The following GSG1L variants were observed in gnomAD, a reference collection of about 807,000 sequenced individuals.
GSG1L encodes the protein germ cell-specific gene 1-like protein.
A neutral mutation model predicts 42.1 loss-of-function variants in GSG1L; 24 were observed. The ratio of observed to expected loss-of-function variants is 0.57; its 90% confidence interval spans 0.41 to 0.80. The LOEUF is 0.80. GSG1L is among the 30% of genes least tolerant of loss of function. The pLI, the probability that GSG1L is intolerant of heterozygous loss-of-function variation, is 0.00. For synonymous variants in GSG1L, 215 were observed against 203.5 expected, an observed-to-expected ratio of 1.06 and a Z score of -0.48; for missense variants, 445 against 472.2, an observed-to-expected ratio of 0.94 and a Z score of 0.53.
intron 5 of GSG1L, among the ~76,000 whole-genome samples, chr16:27,811,532 G>C (rs992350052): frequency 2.6e-5 from 4 of 152,186 alleles, no homozygotes; most frequent in Non-Finnish European, 4.4e-5. Flanking sequence ...GCACCTCTAG[G>C]TCAACAGAGG....
At chr16:27,995,378 G>C (rs765172218) in intron 1 of GSG1L, among the ~76,000 whole-genome samples, 3 of 152,126 alleles carry the variant, frequency 2.0e-5, no homozygotes, top group South Asian at 2.1e-4. Context: ...AAAACCCCAC[G>C]GTGGGTAAAG....
chr16:28,060,875 A>C (rs948900842), intron 1 of GSG1L, among the ~76,000 whole-genome samples: 1 of 152,216 alleles, frequency 6.6e-6, no homozygotes, highest in African/African-American at 2.4e-5. Flanking sequence ...TCAATTAATA[A>C]TTTTTTAAAA....
intron 1 of GSG1L, among the ~76,000 whole-genome samples, chr16:27,980,914 A>AAG (rs1555512202): frequency 2.0e-5 from 3 of 151,630 alleles, no homozygotes; most frequent in East Asian, 1.9e-4. Flanking sequence ...AAAAAAAAAA[A>AAG]AAAGAAAGAA....
intron 5 of GSG1L, chr16:27,824,029 G>A (rs895698965): frequency 2.2e-5 from 15 of 670,000 alleles, no homozygotes; most frequent in African/African-American, 1.6e-4. Flanking sequence ...AGATAATAAC[G>A]AGATTATCAG....
chr16:27,912,994 T>G (rs1011668030), intron 2 of GSG1L, among the ~76,000 whole-genome samples: 2 of 137,466 alleles, frequency 1.5e-5, no homozygotes, highest in Admixed American at 6.9e-5. Flanking sequence ...TGTGTGTGTG[T>G]TTTTTTTTAA....
chr16:27,888,068 T>C, intron 2 of GSG1L: 1 of 984,038 alleles, frequency 1.0e-6, no homozygotes, highest in African/African-American at 1.7e-5. Flanking sequence ...ACCTCGGAGA[T>C]GCTGATGCTC....
chr16:28,021,155 C>T lies in GSG1L; in HGVS notation c.349+41921G>A, dbSNP rs1324412336. On this transcript the variant is annotated intron_variant, in intron 1 of 6. Coordinates refer to ENST00000447459, the MANE Select transcript of GSG1L (RefSeq NM_001109763.2). The stretch of plus-strand genomic sequence containing the variant: ...GAGGTTTAATCAGTTCATGGTTCTG[C>T]GGGCTATGCAGGAAGCATGAGGGGG... Among the ~76,000 whole-genome samples the T allele has an allele frequency of 3.9e-5, 6 of 152,108 alleles. No individual in the cohort carries two copies. The East Asian group carries it at 5.8e-4, about 15-fold the overall frequency.
chr16:27,801,752 G>A (rs1056404256), intron 6 of GSG1L, among the ~76,000 whole-genome samples: 8 of 152,182 alleles, frequency 5.3e-5, no homozygotes, highest in African/African-American at 1.7e-4. Context: ...GGGTGTGGGT[G>A]ATGAGGTCAG....
chr16:27,868,153 C>T (rs1174912052), intron 3 of GSG1L, among the ~76,000 whole-genome samples: 2 of 152,232 alleles, frequency 1.3e-5, no homozygotes, highest in African/African-American at 4.8e-5. Flanking sequence ...CTCCCCCAGC[C>T]CAGGCTTCTA....
chr16:28,011,122 C>T (rs982522935), intron 1 of GSG1L, among the ~76,000 whole-genome samples: 2 of 152,218 alleles, frequency 1.3e-5, no homozygotes, highest in African/African-American at 2.4e-5. Context: ...TGATTTCCAA[C>T]AAGGTTTCCC....
rs527711619 is a variant in GSG1L at position 27,844,858 on chromosome 16, C to T, written c.662+92G>A. 2.3e-4 allele frequency: 62 copies of T among 265,462 alleles called. 1 individual carries two copies. The highest frequency in any genetic ancestry group is 1.1e-3 in the African/African-American group (50 of 44,048). The allele number at this position is 265,462 out of a possible 1,614,324, so 16.4% of individuals were successfully genotyped here. A position where few individuals can be genotyped will look rare whatever the true frequency, so the allele number is the denominator to read the frequency against. ...TCTCCCCATTTCTCCTCCCCCCCAC[C>T]GCCCCCCACCCCACTGGGCTGAGCT... On this transcript the variant is annotated intron_variant, in intron 4 of 6. Coordinates refer to ENST00000447459, the MANE Select transcript of GSG1L (RefSeq NM_001109763.2).
At chr16:27,974,635 C>A (rs1198790685) in intron 1 of GSG1L, among the ~76,000 whole-genome samples, 3 of 152,220 alleles carry the variant, frequency 2.0e-5, no homozygotes, top group Non-Finnish European at 2.9e-5. Context: ...ACTGCCCTCA[C>A]CATCACACAC....
chr16:27,984,099 C>T (rs2085353968), intron 1 of GSG1L, among the ~76,000 whole-genome samples: 1 of 152,110 alleles, frequency 6.6e-6, no homozygotes, highest in Non-Finnish European at 1.5e-5. Context: ...TAAAAGTTTG[C>T]TAGAGAAAGG....
intron 5 of GSG1L, among the ~76,000 whole-genome samples, chr16:27,811,460 G>A (rs1429757292): frequency 6.6e-6 from 1 of 152,156 alleles, no homozygotes; most frequent in Non-Finnish European, 1.5e-5. Flanking sequence ...ACATTGGTTA[G>A]GAGAGTGGAC....
At chr16:27,931,342 A>G (rs1408986774) in intron 2 of GSG1L, among the ~76,000 whole-genome samples, 2 of 152,132 alleles carry the variant, frequency 1.3e-5, no homozygotes, top group Non-Finnish European at 2.9e-5. Flanking sequence ...CCGTGCTCAA[A>G]CGGCTGGCTT....
chr16:27,852,457 C>T lies in GSG1L; in HGVS notation c.551-7396G>A, dbSNP rs559169147. ...GTCAGGGCAGTCAAGAGGAGAAGTC[C>T]CGGGGTCTGTGGGGTGGGGAGGTCA... On this transcript the variant is annotated intron_variant, in intron 3 of 6. Transcript: ENST00000447459. Among the ~76,000 whole-genome samples the T allele has an allele frequency of 1.3e-5, 2 of 152,068 alleles. 1 individual carries two copies. Among genetic ancestry groups the T allele is most frequent in the South Asian group, 4.2e-4 (2 of 4,796 alleles).
At position 27,869,644 on chromosome 16, in the gene GSG1L, C is replaced by CCTCTCTGCGTCTCCATCTCTCTCTCCTCT. The variant is rs1567496123; in HGVS notation, c.550+14841_550+14842insAGAGGAGAGAGAGATGGAGACGCAGAGAG. Among the ~76,000 whole-genome samples, 244 of 123,504 alleles carry CCTCTCTGCGTCTCCATCTCTCTCTCCTCT rather than the reference C, an allele frequency of 2.0e-3. 12 individuals carry two copies. Among genetic ancestry groups the CCTCTCTGCGTCTCCATCTCTCTCTCCTCT allele is most frequent in the African/African-American group, 7.4e-3 (224 of 30,244 alleles). The allele number at this position is 123,504 out of a possible 152,430, so 81.0% of individuals were successfully genotyped here. A position where few individuals can be genotyped will look rare whatever the true frequency, so the allele number is the denominator to read the frequency against. On this transcript the variant is annotated intron_variant, in intron 3 of 6. Transcript: ENST00000447459. The stretch of plus-strand genomic sequence containing the variant: ...CCTCTCTGCGTCTCCATCTCTCTCT[C>CCTCTCTGCGTCTCCATCTCTCTCTCCTCT]CTCTCTGTCTTCCTCCATCTCTCTC...
At chr16:27,954,463 A>G (rs984644767) in intron 2 of GSG1L, among the ~76,000 whole-genome samples, 6 of 152,154 alleles carry the variant, frequency 3.9e-5, no homozygotes, top group Non-Finnish European at 7.3e-5. Context: ...ACTGAAAACC[A>G]AGAATTAAGT....
chr16:27,969,961 A>T (rs1241665047), intron 1 of GSG1L, among the ~76,000 whole-genome samples: 1 of 152,210 alleles, frequency 6.6e-6, no homozygotes, highest in African/African-American at 2.4e-5. Context: ...ATGACTAATG[A>T]TGTTGAGCAT....
Sources: allele counts gnomAD v4.1 joint callset (sites outside exome capture counted in the v4.1 genomes callset), GRCh38; gene constraint gnomAD v4.1.1; transcripts MANE v1.5; gene names NCBI Gene and HGNC (gene_info 2026-07-23, HGNC 2026-07-21).